The following SLC3A1 variants were observed in gnomAD, a reference collection of about 807,000 sequenced individuals.
The protein encoded by SLC3A1 is solute carrier family 3 member 1.
Under a neutral mutation model 60.3 loss-of-function variants are expected in SLC3A1, and 78 were observed. The observed-to-expected ratio is 1.29, with a 90% CI of 1.08 to 1.56. The LOEUF (loss-of-function observed/expected upper bound fraction) is 1.56, where lower values mean the gene tolerates loss of function less well. Among genes scored for constraint, SLC3A1 ranks in the 40% most tolerant of loss-of-function variants. The pLI is 0.00. For missense variants in SLC3A1, 1,172 were observed against 858.9 expected (o/e 1.36, Z -4.56); for synonymous variants, 392 against 307.9 (o/e 1.27, Z -2.86).
chr2:44,285,401 C>T (rs573295826), intron 3 of SLC3A1: 5 of 258,458 alleles, frequency 1.9e-5, no homozygotes, highest in South Asian at 9.3e-5. Context: ...GGGCCCACAG[C>T]GTTGACTTAA....
chr2:44,313,295 A>ACTAT (rs1305597009), intron 8 of SLC3A1, among the ~76,000 whole-genome samples: 3 of 152,104 alleles, frequency 2.0e-5, no homozygotes, highest in Non-Finnish European at 2.9e-5. Context: ...TGGGTAGACG[A>ACTAT]CTATCTTGCA....
chr2:44,319,488 A>G (rs1425740171), intron 9 of SLC3A1: 1 of 151,722 alleles, frequency 6.6e-6, no homozygotes, highest in Non-Finnish European at 1.5e-5. Flanking sequence ...TATTGTCATT[A>G]AAAACATTTA....
chr2:44,281,793 C>G (rs895559118), intron 3 of SLC3A1, among the ~76,000 whole-genome samples: 1 of 151,332 alleles, frequency 6.6e-6, no homozygotes, highest in African/African-American at 2.5e-5. Flanking sequence ...CTCCTTCCAC[C>G]CTTCCTTCAC....
chr2:44,320,475 A>G lies in SLC3A1; in HGVS notation c.1894A>G (p.Lys632Glu), dbSNP rs372828295. ...LSTNSADKGS[K>E]VDTSGIFLDK... ...TACCAATTCTGCCGACAAAGGCAGT[A>G]AAGTTGATACAAGTGGCATTTTTCT... Residue 632 changes from lysine to glutamate, a missense_variant, in exon 10 of 10, where the codon AAA becomes GAA. Coordinates refer to ENST00000260649, the MANE Select transcript of SLC3A1 (RefSeq NM_000341.4). 1.9e-6 allele frequency: 3 copies of G among 1,614,056 alleles called. No individual in the cohort carries two copies. The highest frequency in any genetic ancestry group is 1.3e-5 in the African/African-American group (1 of 74,948).
chr2:44,305,405 A>T lies in SLC3A1; in HGVS notation c.1332+1067A>T, dbSNP rs1672128534. On this transcript the variant is annotated intron_variant, in intron 7 of 9. Transcript: ENST00000260649. ...AATGCAAGTTTCTTTCTCTCATATA[A>T]AAGACAACCTTTCTTTTCTTACTTT... Among the ~76,000 whole-genome samples, 7 of 150,590 alleles carry T rather than the reference A, an allele frequency of 4.6e-5. No individual in the cohort carries two copies. The South Asian group carries it at 1.5e-3, about 32-fold the overall frequency.
Position 44,311,736 on chromosome 2 carries a change from A to C in SLC3A1, c.1333-850A>C, listed in dbSNP as rs1572814716. 4.6e-5 allele frequency among the ~76,000 whole-genome samples: 7 copies of C among 150,932 alleles called. No homozygotes were observed. The South Asian group carries it at 1.5e-3, about 32-fold the overall frequency. ...AGCTAAGGAAGTTAAAAAAAAAAAA[A>C]CCCAACCTCCTATTTCTTGAATTGT... On this transcript the variant is annotated intron_variant, in intron 7 of 9. Coordinates refer to ENST00000260649, the MANE Select transcript of SLC3A1 (RefSeq NM_000341.4).
chr2:44,321,193 G>C lies in SLC3A1; in HGVS notation c.*554G>C. 1.6e-6 allele frequency: 1 copy of C among 632,912 alleles called. No homozygotes were observed. The highest frequency in any genetic ancestry group is 2.8e-5 in the East Asian group (1 of 35,604). 39.2% of individuals were successfully genotyped at this position (632,912 alleles called of 1,614,324 possible). On this transcript the variant is annotated 3_prime_UTR_variant, in exon 10 of 10. Transcript: ENST00000260649. ...TGCATCAATGGAGAGAATAGTATAAGCAAGTGAGATGTAGACTAAGCAAAA... is the reference window on the plus strand; with the variant it reads ...TGCATCAATGGAGAGAATAGTATAACCAAGTGAGATGTAGACTAAGCAAAA...
At chr2:44,306,572 T>G (rs1672163362) in intron 7 of SLC3A1, among the ~76,000 whole-genome samples, 1 of 99,688 alleles carries the variant, frequency 1.0e-5, no homozygotes, top group East Asian at 2.3e-4. Flanking sequence ...TTTTTTTTTT[T>G]GAGACGGAGT....
At chr2:44,299,458 T>A (rs1015278640) in intron 4 of SLC3A1, among the ~76,000 whole-genome samples, 3 of 152,228 alleles carry the variant, frequency 2.0e-5, no homozygotes, top group African/African-American at 7.2e-5. Context: ...TTTTTTTCTG[T>A]GTGTTCCTTC....
chr2:44,321,291 C>A lies in SLC3A1; in HGVS notation c.*652C>A. Reference sequence around the variant, plus strand: ...AAGTTATTAATTTTTTTTTTGCTAACTCAATTGGAAGTAAGACTATGAAAT... The same window carrying A: ...AAGTTATTAATTTTTTTTTTGCTAAATCAATTGGAAGTAAGACTATGAAAT... On this transcript the variant is annotated 3_prime_UTR_variant, in exon 10 of 10. Coordinates refer to ENST00000260649, the MANE Select transcript of SLC3A1 (RefSeq NM_000341.4). 3 of 1,298,650 alleles carry A rather than the reference C, an allele frequency of 2.3e-6. No homozygotes were observed. Among genetic ancestry groups the A allele is most frequent in the Non-Finnish European group, 1.1e-6 (1 of 928,602 alleles). 80.4% of individuals were successfully genotyped at this position (1,298,650 alleles called of 1,614,324 possible).
chr2:44,300,913 C>T, intron 5 of SLC3A1, 90 bp from the exon 6 acceptor site: 2 of 1,526,852 alleles, frequency 1.3e-6, no homozygotes, highest in Non-Finnish European at 9.1e-7. Flanking sequence ...GGCTTGAGCC[C>T]TTTGAAGAGG....
intron 7 of SLC3A1, among the ~76,000 whole-genome samples, chr2:44,306,550 CTTTTTTTTTT>C (rs11290172): frequency 3.0e-5 from 3 of 101,120 alleles, no homozygotes; most frequent in East Asian, 2.9e-4. Context: ...TACCATAAAA[CTTTTTTTTTT>C]TTTTTTTTTT....
At chr2:44,316,412 G>GA (rs1558471447) in intron 9 of SLC3A1, 1 of 152,158 alleles carries the variant, frequency 6.6e-6, no homozygotes, top group East Asian at 1.9e-4. Context: ...TTAGTGTGCT[G>GA]AAAAATTGAT....
chr2:44,283,201 G>C (rs752650708), intron 3 of SLC3A1, among the ~76,000 whole-genome samples: 4 of 152,112 alleles, frequency 2.6e-5, no homozygotes, highest in Admixed American at 6.6e-5. Context: ...AGGACACTCA[G>C]AATTGATATA....
Position 44,318,126 on chromosome 2 carries a change from C to A in SLC3A1, c.1618-2073C>A, listed in dbSNP as rs568044192. The stretch of plus-strand genomic sequence containing the variant: ...TTTTTTTTTTGAGACAGTCTTGCTC[C>A]GTCACCCATGCTCGAGTGCAGTGGC... On this transcript the variant is annotated intron_variant, in intron 9 of 9. Coordinates refer to ENST00000260649, the MANE Select transcript of SLC3A1 (RefSeq NM_000341.4). 1.2e-4 allele frequency: 55 copies of A among 443,434 alleles called. No individual in the cohort carries two copies. In the East Asian group the frequency reaches 3.8e-3, roughly 31 times the overall value. The allele number at this position is 443,434 out of a possible 1,614,324, so 27.5% of individuals were successfully genotyped here. A position where few individuals can be genotyped will look rare whatever the true frequency, so the allele number is the denominator to read the frequency against.
At chr2:44,302,362 A>G (rs1010100014) in intron 6 of SLC3A1, among the ~76,000 whole-genome samples, 2 of 152,232 alleles carry the variant, frequency 1.3e-5, no homozygotes, top group Non-Finnish European at 2.9e-5. Flanking sequence ...TAAACACTCA[A>G]TAAAATTACC....
In SLC3A1 at chr2:44,311,723, T is replaced by TTA. The variant is rs1553347122; in HGVS notation, c.1333-863_1333-862insTA. On this transcript the variant is annotated intron_variant, in intron 7 of 9. Coordinates refer to ENST00000260649, the MANE Select transcript of SLC3A1 (RefSeq NM_000341.4). Reference sequence around the variant, plus strand: ...ATCATTTTCATACAGCTAAGGAAGTTAAAAAAAAAAAAACCCAACCTCCTA... The same window carrying TTA: ...ATCATTTTCATACAGCTAAGGAAGTTTAAAAAAAAAAAAAACCCAACCTCCTA... Among the ~76,000 whole-genome samples, 1,165 of 147,098 alleles carry TTA rather than the reference T, an allele frequency of 7.9e-3. 22 individuals are homozygous for TTA. The highest frequency in any genetic ancestry group is 0.027 in the African/African-American group (1,105 of 40,288).
chr2:44,290,636 G>C (rs1671721279), intron 4 of SLC3A1, among the ~76,000 whole-genome samples: 1 of 148,548 alleles, frequency 6.7e-6, no homozygotes, highest in African/African-American at 2.5e-5. Context: ...TACATGTCTT[G>C]TACTTCTTTC....
intron 1 of SLC3A1, among the ~76,000 whole-genome samples, chr2:44,276,504 G>A (rs1671344234): frequency 6.6e-6 from 1 of 152,178 alleles, no homozygotes; most frequent in Non-Finnish European, 1.5e-5. Flanking sequence ...AGGGGTAGCA[G>A]TATGCATTCG....
Sources: allele counts gnomAD v4.1 joint callset (sites outside exome capture counted in the v4.1 genomes callset), GRCh38; gene constraint gnomAD v4.1.1; transcripts MANE v1.5; gene names NCBI Gene and HGNC (gene_info 2026-07-23, HGNC 2026-07-21).